The following DLGAP2 variants were observed in gnomAD, a reference collection of about 807,000 sequenced individuals.
DLGAP2 encodes the protein disks large-associated protein 2.
Under a neutral mutation model 100.3 loss-of-function variants are expected in DLGAP2, and 26 were observed. The observed-to-expected ratio is 0.26, with a 90% CI of 0.19 to 0.36. The LOEUF (loss-of-function observed/expected upper bound fraction) is 0.36. Ranked by LOEUF, DLGAP2 falls within the 10% of genes least tolerant of loss-of-function variation. The pLI is 1.00. For missense variants in DLGAP2, 1,858 were observed against 1,453.2 expected, an observed-to-expected ratio of 1.28 and a Z score of -4.53; for synonymous variants, 886 against 630.1, an observed-to-expected ratio of 1.41 and a Z score of -6.08.
chr8:1,169,635 T>C (rs1268624923), intron 2 of DLGAP2, among the ~76,000 whole-genome samples: 1 of 152,182 alleles, frequency 6.6e-6, no homozygotes, highest in African/African-American at 2.4e-5. Context: ...TTTTATTCTC[T>C]TTGAAGCAAT....
intron 10 of DLGAP2, among the ~76,000 whole-genome samples, chr8:1,674,525 A>C (rs556766380): frequency 6.6e-6 from 1 of 152,272 alleles, no homozygotes; most frequent in Non-Finnish European, 1.5e-5. Context: ...ATTCCTAGAA[A>C]TAGAATAAGT....
intron 2 of DLGAP2, among the ~76,000 whole-genome samples, chr8:965,718 C>T (rs1454317025): frequency 2.3e-5 from 3 of 132,612 alleles, no homozygotes; most frequent in East Asian, 2.2e-4. Flanking sequence ...CCAACCCCCG[C>T]GTGCACACGG....
rs187691008 is a variant in DLGAP2, at chr8:923,497, C to T, written c.73+15531C>T. On this transcript the variant is annotated intron_variant, in intron 2 of 14. Transcript: ENST00000637795. Reference sequence around the variant, plus strand: ...GGAGATGCCAATATGCTTAACCCTGCATTCAGAATGAAAAAGCTACAGTTC... The same window carrying T: ...GGAGATGCCAATATGCTTAACCCTGTATTCAGAATGAAAAAGCTACAGTTC... 2.2e-4 allele frequency among the ~76,000 whole-genome samples: 34 copies of T among 152,332 alleles called. 1 individual carries two copies. Among genetic ancestry groups the T allele is most frequent in the African/African-American group, 7.7e-4 (32 of 41,572 alleles).
chr8:1,258,548 C>A (rs1160872445), intron 2 of DLGAP2, among the ~76,000 whole-genome samples: 3 of 152,080 alleles, frequency 2.0e-5, no homozygotes, highest in African/African-American at 7.2e-5. Flanking sequence ...CACCTGTATA[C>A]CTATGTAAGC....
intron 3 of DLGAP2, among the ~76,000 whole-genome samples, chr8:1,415,369 T>C (rs1271888267): frequency 6.6e-6 from 1 of 152,200 alleles, no homozygotes; most frequent in Non-Finnish European, 1.5e-5. Flanking sequence ...TACATGGATT[T>C]ATTTCATGAC....
At chr8:1,347,910 A>C (rs113064874) in intron 3 of DLGAP2, among the ~76,000 whole-genome samples, 4 of 133,318 alleles carry the variant, frequency 3.0e-5, no homozygotes, top group African/African-American at 1.1e-4. Flanking sequence ...ATACAGAGCT[A>C]CATTGCACTC....
At chr8:1,451,851 A>G (rs541676072) in intron 3 of DLGAP2, among the ~76,000 whole-genome samples, 1 of 152,248 alleles carries the variant, frequency 6.6e-6, no homozygotes, top group African/African-American at 2.4e-5. Flanking sequence ...ATCATCACTA[A>G]TGTACCCAAA....
At chr8:1,436,420 G>A (rs553972225) in intron 3 of DLGAP2, among the ~76,000 whole-genome samples, 3 of 152,210 alleles carry the variant, frequency 2.0e-5, no homozygotes, top group South Asian at 2.1e-4. Context: ...TATCCTAGCC[G>A]TGCTGGCAGC....
At chr8:1,430,478 G>A (rs1438081804) in intron 3 of DLGAP2, among the ~76,000 whole-genome samples, 1 of 152,164 alleles carries the variant, frequency 6.6e-6, no homozygotes, top group Non-Finnish European at 1.5e-5. Context: ...TCTTCTAGCA[G>A]AAGAAGCCTG....
Position 1,361,474 on chromosome 8 carries a change from A to G in DLGAP2, c.106+102591A>G, listed in dbSNP as rs537777883. Among the ~76,000 whole-genome samples the G allele has an allele frequency of 1.1e-4, 17 of 152,340 alleles. 1 individual carries two copies. The South Asian group carries it at 3.5e-3, about 32-fold the overall frequency. On this transcript the variant is annotated intron_variant, in intron 3 of 14. Coordinates refer to ENST00000637795, the MANE Select transcript of DLGAP2 (RefSeq NM_001346810.2). ...TGTAGTTTTTCCCCTTATCTTCAGA[A>G]CTAAGGTAACACACGGCTCTGTAGG...
chr8:1,180,228 A>G (rs1797350367), intron 2 of DLGAP2, among the ~76,000 whole-genome samples: 1 of 152,216 alleles, frequency 6.6e-6, no homozygotes, highest in Non-Finnish European at 1.5e-5. Context: ...CTTACAGTGA[A>G]GTGCCCAGAT....
At chr8:1,689,837 C>G (rs1438913743) in intron 12 of DLGAP2, among the ~76,000 whole-genome samples, 2 of 152,352 alleles carry the variant, frequency 1.3e-5, no homozygotes, top group Non-Finnish European at 2.9e-5. Flanking sequence ...GCCCCACGTG[C>G]TGACCCAGGC....
At chr8:913,277 G>A (rs1040209038) in intron 2 of DLGAP2, among the ~76,000 whole-genome samples, 10 of 152,200 alleles carry the variant, frequency 6.6e-5, no homozygotes, top group African/African-American at 2.4e-4. Context: ...TTGTTGAAAT[G>A]TTAGGAAAGG....
chr8:1,128,316 C>T (rs576379164), intron 2 of DLGAP2, among the ~76,000 whole-genome samples: 9 of 152,128 alleles, frequency 5.9e-5, no homozygotes, highest in Admixed American at 3.3e-4. Flanking sequence ...GTGTTGTGTT[C>T]GGTGAGGACC....
chr8:1,336,338 G>C (rs1332577541), intron 3 of DLGAP2, among the ~76,000 whole-genome samples: 1 of 152,234 alleles, frequency 6.6e-6, no homozygotes, highest in South Asian at 2.1e-4. Context: ...AGAAGGGAGA[G>C]GGGTGGTGAG....
chr8:1,162,935 G>A (rs1796919853), intron 2 of DLGAP2, among the ~76,000 whole-genome samples: 1 of 152,200 alleles, frequency 6.6e-6, no homozygotes, highest in Non-Finnish European at 1.5e-5. Flanking sequence ...CAGCTGAGGG[G>A]GCTGCCATCT....
intron 12 of DLGAP2, among the ~76,000 whole-genome samples, chr8:1,679,899 G>C (rs2130857594): frequency 7.0e-6 from 1 of 142,150 alleles, no homozygotes; most frequent in East Asian, 2.2e-4. Flanking sequence ...AAAATCACTT[G>C]AACCTGGGAG....
intron 1 of DLGAP2, among the ~76,000 whole-genome samples, chr8:770,315 C>T (rs7461088): frequency 0.15 from 22,815 of 152,070 alleles, 2,092 homozygotes; most frequent in South Asian, 0.25. Context: ...CCTTGCTCCT[C>T]CTCCGTGTCC....
intron 8 of DLGAP2, among the ~76,000 whole-genome samples, chr8:1,646,386 T>C (rs2469727): frequency 6.6e-6 from 1 of 152,206 alleles, no homozygotes; most frequent in Admixed American, 6.5e-5. Context: ...GTGTCTCTAT[T>C]GTCTGTCTCT....
Sources: gnomAD v4.1 joint callset for allele counts (sites outside exome capture counted in the v4.1 genomes callset) on GRCh38, gnomAD v4.1.1 for gene constraint, MANE v1.5 for transcripts, NCBI Gene and HGNC (gene_info 2026-07-23, HGNC 2026-07-21) for gene names.